MMP26: variants seen among roughly 807,000 people sequenced by gnomAD.
The protein encoded by MMP26 is matrix metallopeptidase 26, also known as matrix metalloproteinase-26.
A neutral mutation model predicts 31.0 loss-of-function variants in MMP26; 33 were observed. The ratio of observed to expected loss-of-function variants is 1.06; its 90% CI spans 0.81 to 1.42. The LOEUF (loss-of-function observed/expected upper bound fraction) is 1.42. Among genes scored for constraint, MMP26 ranks in the 40% most tolerant of loss-of-function variants. The probability of loss-of-function intolerance (pLI) is 0.00; values close to 1 mark genes in which losing one functional copy is unlikely to be tolerated. For synonymous variants in MMP26, 122 were observed against 114.9 expected (o/e 1.06, Z -0.40); for missense variants, 347 against 316.1 (o/e 1.10, Z -0.74).
intron 2 of MMP26, among the ~76,000 whole-genome samples, chr11:4,906,352 C>T (rs1295457545): frequency 6.6e-6 from 1 of 152,092 alleles, no homozygotes; most frequent in Non-Finnish European, 1.5e-5. Context: ...AATATCAAAA[C>T]CTACCAAGAT....
rs1847755957 is a variant in MMP26, at chr11:4,704,963, C to A, written c.-299C>A. On this transcript the variant is annotated 5_prime_UTR_variant, in exon 1 of 8. It adds an upstream start codon to the 5' untranslated region. Coordinates refer to ENST00000380390, the MANE Select transcript of MMP26 (RefSeq NM_021801.5). ...CACTTGCTTTGCATTAATAGATTCT[C>A]TGCTGTGTGGGATGATCCTTCAAAT... is the stretch of plus-strand genomic sequence containing the variant. The A allele has an allele frequency of 6.6e-6, 1 of 152,158 alleles. No homozygotes were observed. Among genetic ancestry groups the A allele is most frequent in the African/African-American group, 2.4e-5 (1 of 41,436 alleles). 9.4% of individuals were successfully genotyped at this position (152,158 alleles called of 1,614,324 possible).
At chr11:4,769,743 C>T in intron 2 of MMP26, 3 of 1,613,968 alleles carry the variant, frequency 1.9e-6, no homozygotes, top group Non-Finnish European at 2.5e-6. Context: ...TACATGGGTT[C>T]ATGGAGACTC....
intron 2 of MMP26, among the ~76,000 whole-genome samples, chr11:4,807,726 C>T (rs1487162596): frequency 6.6e-6 from 1 of 152,050 alleles, no homozygotes; most frequent in Admixed American, 6.5e-5. Context: ...ATGTAACAAA[C>T]CTGCACATTG....
intron 2 of MMP26, among the ~76,000 whole-genome samples, chr11:4,890,992 A>AATG (rs1850611416): frequency 6.9e-6 from 1 of 145,432 alleles, no homozygotes; most frequent in Non-Finnish European, 1.5e-5. Flanking sequence ...TAATAATAAT[A>AATG]ATAATAATAA....
chr11:4,771,349 G>A lies in MMP26; in HGVS notation c.-145+4008G>A, dbSNP rs541950172. Among the ~76,000 whole-genome samples, 176 of 152,286 alleles carry A rather than the reference G, an allele frequency of 1.2e-3. 2 individuals are homozygous for A. The highest frequency in any genetic ancestry group is 1.6e-3 in the Non-Finnish European group (107 of 68,018). On this transcript the variant is annotated intron_variant, in intron 2 of 7. Coordinates refer to ENST00000380390, the MANE Select transcript of MMP26 (RefSeq NM_021801.5). ...TAGTAAGTGTCAAATATGTAAGTTTGTGGAGAGTTATATAAGGAAATTGTT... is the reference window on the plus strand; with the variant it reads ...TAGTAAGTGTCAAATATGTAAGTTTATGGAGAGTTATATAAGGAAATTGTT...
At chr11:4,769,614 G>C in intron 2 of MMP26, 1 of 1,611,672 alleles carries the variant, frequency 6.2e-7, no homozygotes, top group African/African-American at 1.4e-5. Context: ...AAAAACATCT[G>C]GACAATGCAG....
chr11:4,775,114 C>A (rs960559755), intron 2 of MMP26, among the ~76,000 whole-genome samples: 4 of 152,142 alleles, frequency 2.6e-5, no homozygotes, highest in African/African-American at 9.7e-5. Flanking sequence ...TATACAGGCT[C>A]TTTTCTGGTT....
At position 4,799,477 on chromosome 11, in the gene MMP26, C is replaced by T. The variant is rs184412087; in HGVS notation, c.-145+32136C>T. Among the ~76,000 whole-genome samples, 107 of 152,268 alleles carry T rather than the reference C, an allele frequency of 7.0e-4. 1 individual carries two copies. The highest frequency in any genetic ancestry group is 2.4e-3 in the African/African-American group (101 of 41,554). ...GCTAAGCCATTCATGAGAGATCGAC[C>T]CTCATGATACAATTACCTCCCACCA... On this transcript the variant is annotated intron_variant, in intron 2 of 7. Transcript: ENST00000380390.
intron 2 of MMP26, among the ~76,000 whole-genome samples, chr11:4,786,239 C>T (rs1235552653): frequency 6.6e-6 from 1 of 152,082 alleles, no homozygotes; most frequent in Non-Finnish European, 1.5e-5. Flanking sequence ...GGGAGTTTTC[C>T]TCTTTCTGGA....
chr11:4,858,979 C>T (rs897757981), intron 2 of MMP26, among the ~76,000 whole-genome samples: 4 of 152,104 alleles, frequency 2.6e-5, no homozygotes, highest in African/African-American at 9.7e-5. Context: ...GGAAAAGATT[C>T]CCTATTTAAT....
At chr11:4,874,599 T>C (rs1293079799) in intron 2 of MMP26, among the ~76,000 whole-genome samples, 1 of 149,624 alleles carries the variant, frequency 6.7e-6, no homozygotes, top group Non-Finnish European at 1.5e-5. Flanking sequence ...CATTCTTAAC[T>C]GGGAGACCCT....
At position 4,766,617 on chromosome 11, in the gene MMP26, A is replaced by G. The variant is rs117617327; in HGVS notation, c.-216-653A>G. Among the ~76,000 whole-genome samples, 198 of 152,114 alleles carry G rather than the reference A, an allele frequency of 1.3e-3. 1 individual carries two copies. Among genetic ancestry groups the G allele is most frequent in the Non-Finnish European group, 2.2e-3 (147 of 67,972 alleles). ...AATTAACTCACATCAGTAAATGGGTATCCTTGCTTGGTGTAACAAATGGGC... is the reference window on the plus strand; with the variant it reads ...AATTAACTCACATCAGTAAATGGGTGTCCTTGCTTGGTGTAACAAATGGGC... On this transcript the variant is annotated intron_variant, in intron 1 of 7. Transcript: ENST00000380390.
At chr11:4,714,922 A>T (rs5004632) in intron 1 of MMP26, among the ~76,000 whole-genome samples, 48,180 of 96,520 alleles carry the variant, frequency 0.5, 8,239 homozygotes, top group Middle Eastern at 0.59. Flanking sequence ...TCTCTCTCTC[A>T]CACACACACA....
chr11:4,879,348 G>T (rs1850427012), intron 2 of MMP26, among the ~76,000 whole-genome samples: 1 of 152,066 alleles, frequency 6.6e-6, no homozygotes, highest in Non-Finnish European at 1.5e-5. Flanking sequence ...ACCATATGTG[G>T]GCACACAGTT....
At chr11:4,894,911 A>G (rs911041542) in intron 2 of MMP26, among the ~76,000 whole-genome samples, 1 of 152,176 alleles carries the variant, frequency 6.6e-6, no homozygotes, top group Non-Finnish European at 1.5e-5. Context: ...ACTTGAAAAT[A>G]TATATTTGTG....
At position 4,991,515 on chromosome 11, in the gene MMP26, G is replaced by C; in HGVS notation, c.595+19G>C. 6.2e-7 allele frequency: 1 copy of C among 1,610,876 alleles called. No homozygotes were observed. ...GACACTGGTAAATGCCTTGTTTGGT[G>C]GGATCGCTAGAACTCTCTGGGAACC... On this transcript the variant is annotated intron_variant, in intron 6 of 7. Transcript: ENST00000380390.
intron 1 of MMP26, among the ~76,000 whole-genome samples, chr11:4,715,340 T>A (rs1230929000): frequency 6.9e-6 from 1 of 144,870 alleles, no homozygotes; most frequent in Non-Finnish European, 1.5e-5. Flanking sequence ...TTTTTTCCTG[T>A]AAAAAAAAAA....
At chr11:4,706,577 C>CAAAAAAAAAAAAAAAAAAA (rs71050423) in intron 1 of MMP26, among the ~76,000 whole-genome samples, 1 of 87,564 alleles carries the variant, frequency 1.1e-5, no homozygotes, top group Non-Finnish European at 2.1e-5. Context: ...GACCCTATCT[C>CAAAAAAAAAAAAAAAAAAA]AAAAAAAAAA....
intron 2 of MMP26, among the ~76,000 whole-genome samples, chr11:4,920,462 A>G (rs181852031): frequency 4.6e-5 from 7 of 152,298 alleles, no homozygotes; most frequent in Non-Finnish European, 7.3e-5. Flanking sequence ...AGCCACTGAC[A>G]TTTGGAGATT....
Sources: allele counts gnomAD v4.1 joint callset (sites outside exome capture counted in the v4.1 genomes callset), GRCh38; gene constraint gnomAD v4.1.1; transcripts MANE v1.5; gene names NCBI Gene and HGNC (gene_info 2026-07-23, HGNC 2026-07-21).